The following KIF26B variants were observed in gnomAD, a reference collection of about 807,000 sequenced individuals.
KIF26B encodes kinesin-like protein KIF26B.
A neutral mutation model predicts 151.2 loss-of-function variants in KIF26B; 63 were observed. That is an observed-to-expected ratio of 0.42 (90% CI 0.34 to 0.51). The LOEUF (loss-of-function observed/expected upper bound fraction) is 0.51, where lower values mean the gene tolerates loss of function less well. KIF26B is among the 20% of genes least tolerant of loss of function. The probability of loss-of-function intolerance (pLI) is 0.07; values close to 1 mark genes in which losing one functional copy is unlikely to be tolerated. For synonymous variants in KIF26B, 1,357 were observed against 1,262.1 expected, an observed-to-expected ratio of 1.08 and a Z score of -1.59; for missense variants, 2,813 against 2,913.6, an observed-to-expected ratio of 0.97 and a Z score of 0.79.
chr1:245,295,196 CTT>C, intron 2 of KIF26B, among the ~76,000 whole-genome samples: 1 of 152,242 alleles, frequency 6.6e-6, no homozygotes, highest in South Asian at 2.1e-4. Flanking sequence ...TTCGATATAA[CTT>C]TATACATCCT....
At chr1:245,294,913 T>C (rs1210785460) in intron 2 of KIF26B, among the ~76,000 whole-genome samples, 1 of 152,194 alleles carries the variant, frequency 6.6e-6, no homozygotes, top group Non-Finnish European at 1.5e-5. Context: ...TCCACCTGCC[T>C]CGGCCTCCCA....
Position 245,606,299 on chromosome 1 carries a change from G to A in KIF26B, c.1558-1352G>A, listed in dbSNP as rs1280005434. Among the ~76,000 whole-genome samples, 1 of 152,078 alleles carries A rather than the reference G, an allele frequency of 6.6e-6. No individual in the cohort carries two copies. Among genetic ancestry groups the A allele is most frequent in the Non-Finnish European group, 1.5e-5 (1 of 68,022 alleles). Reference sequence around the variant, plus strand: ...AGAGAAAACTGATTTCCAAATACTTGGGTTCACTGTGCTGCTGAATAACAA... The same window carrying A: ...AGAGAAAACTGATTTCCAAATACTTAGGTTCACTGTGCTGCTGAATAACAA... On this transcript the variant is annotated intron_variant, in intron 6 of 14. Coordinates refer to ENST00000407071, the MANE Select transcript of KIF26B (RefSeq NM_018012.4). This position sits in a 1 kb window ranked among gnomAD's most constrained non-coding sequence, Gnocchi z 4.6.
chr1:245,565,422 G>A (rs1451585784), intron 5 of KIF26B, among the ~76,000 whole-genome samples: 1 of 151,992 alleles, frequency 6.6e-6, no homozygotes, highest in Non-Finnish European at 1.5e-5. Context: ...CTGAGTAGCT[G>A]GGACTACAGG....
At chr1:245,376,219 A>T (rs980326689) in intron 3 of KIF26B, among the ~76,000 whole-genome samples, 1 of 152,234 alleles carries the variant, frequency 6.6e-6, no homozygotes, top group African/African-American at 2.4e-5. Flanking sequence ...TTCTTACCTC[A>T]TCTGGTAAAG....
chr1:245,211,352 G>A (rs1379294649), intron 2 of KIF26B, among the ~76,000 whole-genome samples: 1 of 152,200 alleles, frequency 6.6e-6, no homozygotes. Flanking sequence ...CGCTGTGACT[G>A]TCTAGCTGTC....
chr1:245,191,557 A>G (rs1431177899), intron 2 of KIF26B, among the ~76,000 whole-genome samples: 1 of 152,220 alleles, frequency 6.6e-6, no homozygotes, highest in Non-Finnish European at 1.5e-5. Context: ...TCTAAGCTTG[A>G]TAGAATAGAA....
At position 245,375,124 on chromosome 1, in the gene KIF26B, C is replaced by T. The variant is rs747849458; in HGVS notation, c.999+7757C>T. 3.9e-5 allele frequency among the ~76,000 whole-genome samples: 6 copies of T among 152,142 alleles called. No individual in the cohort carries two copies. The highest frequency in any genetic ancestry group is 7.4e-5 in the Non-Finnish European group (5 of 68,022). On this transcript the variant is annotated intron_variant, in intron 3 of 14. Coordinates refer to ENST00000407071, the MANE Select transcript of KIF26B (RefSeq NM_018012.4). This position sits in a 1 kb window ranked among gnomAD's most constrained non-coding sequence, Gnocchi z 4.2. Reference sequence around the variant, plus strand: ...TTTTTTGAGACGGCGTCTCACTCTGCCACCCAGGCTGGAGTGCAATGGTGC... The same window carrying T: ...TTTTTTGAGACGGCGTCTCACTCTGTCACCCAGGCTGGAGTGCAATGGTGC...
chr1:245,462,234 A>G (rs1422977086), intron 4 of KIF26B, among the ~76,000 whole-genome samples: 1 of 152,206 alleles, frequency 6.6e-6, no homozygotes, highest in Non-Finnish European at 1.5e-5. Flanking sequence ...GCAAAACTCC[A>G]TGAGTTGACC....
chr1:245,374,139 G>T lies in KIF26B; in HGVS notation c.999+6772G>T, dbSNP rs12079080. ...TATATATATATATATATATATATAT[G>T]GGCACAAAAGGATGTAAAAGCAACA... On this transcript the variant is annotated intron_variant, in intron 3 of 14. Transcript: ENST00000407071. Among the ~76,000 whole-genome samples the T allele has an allele frequency of 6.5e-5, 5 of 76,388 alleles. No individual in the cohort carries two copies. In the East Asian group the frequency reaches 1.2e-3, roughly 18 times the overall value. 50.1% of individuals were successfully genotyped at this position (76,388 alleles called of 152,430 possible). A position where few individuals can be genotyped will look rare whatever the true frequency, so the allele number is the denominator to read the frequency against.
intron 2 of KIF26B, among the ~76,000 whole-genome samples, chr1:245,330,052 A>T (rs1271246998): frequency 6.6e-6 from 1 of 152,014 alleles, no homozygotes; most frequent in African/African-American, 2.4e-5. Flanking sequence ...ACCGATCTGA[A>T]GTGCAAAGAT....
intron 3 of KIF26B, among the ~76,000 whole-genome samples, chr1:245,374,415 G>T (rs1400530939): frequency 6.6e-6 from 1 of 151,926 alleles, no homozygotes; most frequent in East Asian, 2.0e-4. Flanking sequence ...AGGTATACAC[G>T]TGCTCTTCCC....
chr1:245,403,662 T>C (rs556735776), intron 3 of KIF26B, among the ~76,000 whole-genome samples: 41 of 152,258 alleles, frequency 2.7e-4, no homozygotes, highest in African/African-American at 8.7e-4. Flanking sequence ...CCTCTCAGGC[T>C]CTGGGGGAAA....
chr1:245,158,656 A>G (rs928794411), intron 2 of KIF26B, among the ~76,000 whole-genome samples: 12 of 152,244 alleles, frequency 7.9e-5, no homozygotes, highest in Admixed American at 3.9e-4. Flanking sequence ...TGAATGTCAC[A>G]TAGTACCACA....
Position 245,591,547 on chromosome 1 carries a change from C to G in KIF26B, c.1351-11030C>G, listed in dbSNP as rs1035923810. On this transcript the variant is annotated intron_variant, in intron 5 of 14. Coordinates refer to ENST00000407071, the MANE Select transcript of KIF26B (RefSeq NM_018012.4). The stretch of plus-strand genomic sequence containing the variant: ...AACCCAGGCCGCCTGTCTCCAGAGC[C>G]TGTGCCCCCAAGCTCTAGGCCATGT... 1.1e-4 allele frequency among the ~76,000 whole-genome samples: 16 copies of G among 152,228 alleles called. 1 individual carries two copies. Among genetic ancestry groups the G allele is most frequent in the Admixed American group, 9.8e-4 (15 of 15,286 alleles).
chr1:245,268,233 G>A (rs1271908905), intron 2 of KIF26B, among the ~76,000 whole-genome samples: 3 of 151,992 alleles, frequency 2.0e-5, no homozygotes, highest in Non-Finnish European at 4.4e-5. Context: ...ACTTTGGGAA[G>A]CCGGGCCAGG....
At chr1:245,266,960 G>A (rs1435375446) in intron 2 of KIF26B, among the ~76,000 whole-genome samples, 2 of 152,120 alleles carry the variant, frequency 1.3e-5, no homozygotes, top group East Asian at 3.8e-4. Context: ...GTGACTGAAG[G>A]GCAGGCCCCC....
At chr1:245,406,148 C>T (rs539545007) in intron 3 of KIF26B, among the ~76,000 whole-genome samples, 4 of 152,170 alleles carry the variant, frequency 2.6e-5, no homozygotes, top group African/African-American at 7.2e-5. Context: ...GCATGGCCCT[C>T]CAGTCATCCT....
Position 245,367,234 on chromosome 1 carries a change from A to G in KIF26B, c.866A>G (p.Lys289Arg), listed in dbSNP as rs374605940. The change falls in exon 3 of 15, where the codon AAG becomes AGG. Residue 289 changes from lysine (K) to arginine (R), a missense_variant. Physicochemically the swap from Lys to Arg is conservative, Grantham distance 26 (BLOSUM62 2). Coordinates refer to ENST00000407071, the MANE Select transcript of KIF26B (RefSeq NM_018012.4). The surrounding 1 kb of genome is among the most constrained non-coding windows in gnomAD (Gnocchi z 4.2). Reference sequence around the variant, plus strand: ...AGCGGGTCCCCAACCCACCAGGCCAAGGTCAGCCTCCAGATGGCCACCAGT... The same window carrying G: ...AGCGGGTCCCCAACCCACCAGGCCAGGGTCAGCCTCCAGATGGCCACCAGT... ...KKSGSPTHQA[K>R]VSLQMATSPS... 6.2e-7 allele frequency: 1 copy of G among 1,609,274 alleles called. No homozygotes were observed. The highest frequency in any genetic ancestry group is 8.5e-7 in the Non-Finnish European group (1 of 1,177,868).
chr1:245,298,078 G>A (rs1412100656), intron 2 of KIF26B, among the ~76,000 whole-genome samples: 1 of 152,048 alleles, frequency 6.6e-6, no homozygotes, highest in East Asian at 1.9e-4. Context: ...GTAGAGACGG[G>A]CTCTCACCAT....
Sources: gnomAD v4.1 joint callset for allele counts (sites outside exome capture counted in the v4.1 genomes callset) on GRCh38, gnomAD v4.1.1 for gene constraint, Gnocchi (gnomAD v3.1) non-coding constraint, MANE v1.5 for transcripts, NCBI Gene and HGNC (gene_info 2026-07-23, HGNC 2026-07-21) for gene names.